The following CAPN5 variants were observed in gnomAD, a reference collection of about 807,000 sequenced individuals.
CAPN5 encodes calpain-5.
Under a neutral mutation model 73.0 loss-of-function variants are expected in CAPN5, and 54 were observed. The ratio of observed to expected loss-of-function variants is 0.74; its 90% CI spans 0.59 to 0.93. CAPN5 has a LOEUF of 0.93. Ranked by LOEUF, CAPN5 falls within the 40% of genes least tolerant of loss-of-function variation. CAPN5 has a pLI of 0.00. For missense variants in CAPN5, 785 were observed against 882.9 expected, an observed-to-expected ratio of 0.89 and a Z score of 1.41; for synonymous variants, 335 against 356.9, an observed-to-expected ratio of 0.94 and a Z score of 0.69.
At chr11:77,084,578 G>A (rs1694331825) in intron 1 of CAPN5, among the ~76,000 whole-genome samples, 1 of 152,126 alleles carries the variant, frequency 6.6e-6, no homozygotes, top group Non-Finnish European at 1.5e-5. Context: ...GGAAGGCAGG[G>A]AGGTAGGTGC....
intron 1 of CAPN5, among the ~76,000 whole-genome samples, chr11:77,076,342 G>A (rs939886793): frequency 3.3e-5 from 5 of 152,128 alleles, no homozygotes; most frequent in Non-Finnish European, 5.9e-5. Context: ...GCAACAGAGT[G>A]AGACTCCAAA....
chr11:77,082,698 T>G (rs572134553), intron 1 of CAPN5, among the ~76,000 whole-genome samples: 2 of 152,126 alleles, frequency 1.3e-5, no homozygotes, highest in East Asian at 1.9e-4. Flanking sequence ...CCAGCCGAGC[T>G]CTCCCTTTAT....
At chr11:77,112,549 C>G in intron 3 of CAPN5, 40 bp from the exon 4 acceptor site, 1 of 1,503,416 alleles carries the variant, frequency 6.7e-7, no homozygotes, top group East Asian at 2.3e-5. Flanking sequence ...GACATCCCCT[C>G]ACTGTGTTCC....
intron 1 of CAPN5, among the ~76,000 whole-genome samples, chr11:77,069,547 C>T (rs1238204102): frequency 2.0e-5 from 3 of 152,106 alleles, no homozygotes; most frequent in African/African-American, 7.2e-5. Context: ...GCTGAGCAGC[C>T]GGGAGCACCC....
chr11:77,103,142 C>A lies in CAPN5; in HGVS notation c.297+9329C>A, dbSNP rs782036942. On this transcript the variant is annotated intron_variant, in intron 3 of 12. Transcript: ENST00000648180. Reference sequence around the variant, plus strand: ...ACCTCATGACACGCCAGCTGCTGGACCCCACTGCCATCTTCTGGCGCAAGG... The same window carrying A: ...ACCTCATGACACGCCAGCTGCTGGAACCCACTGCCATCTTCTGGCGCAAGG... 11 of 1,613,858 alleles carry A rather than the reference C, an allele frequency of 6.8e-6. No homozygotes were observed. The South Asian group carries it at 1.2e-4, about 18-fold the overall frequency.
At chr11:77,067,511 C>G (rs1186077738) in intron 1 of CAPN5, among the ~76,000 whole-genome samples, 3 of 152,106 alleles carry the variant, frequency 2.0e-5, no homozygotes, top group Admixed American at 2.0e-4. Flanking sequence ...TCTGGGTGCT[C>G]CACCACCCAG....
intron 1 of CAPN5, among the ~76,000 whole-genome samples, chr11:77,076,816 G>T (rs550559992): frequency 6.6e-6 from 1 of 152,290 alleles, no homozygotes; most frequent in Non-Finnish European, 1.5e-5. Flanking sequence ...GAATAGTGCT[G>T]CAGTGAACAT....
At chr11:77,111,223 T>C (rs1287581594) in intron 3 of CAPN5, among the ~76,000 whole-genome samples, 1 of 152,110 alleles carries the variant, frequency 6.6e-6, no homozygotes, top group Non-Finnish European at 1.5e-5. Flanking sequence ...TGGGAGCCTT[T>C]TGAGGGAAGG....
chr11:77,077,405 TG>T (rs149712773), intron 1 of CAPN5, among the ~76,000 whole-genome samples: 3,761 of 152,290 alleles, frequency 0.025, 164 homozygotes, highest in African/African-American at 0.085. Context: ...ACATATCTTT[TG>T]TCTTTTTTTA....
At chr11:77,115,716 A>C in intron 6 of CAPN5, 128 bp downstream of exon 6, 1 of 701,978 alleles carries the variant, frequency 1.4e-6, no homozygotes, top group Non-Finnish European at 2.4e-6. Flanking sequence ...ACTAGGAACG[A>C]AGAAGGGAGA....
Position 77,112,474 on chromosome 11 carries a change from G to T in CAPN5, c.298-115G>T, listed in dbSNP as rs565699897. ...AAGGCTTGTGGCAGAGTTGGAATCC[G>T]AACCCAGTATTCCTTTACATTCCGA... On this transcript the variant is annotated intron_variant, in intron 3 of 12. Transcript: ENST00000648180. 3 of 795,066 alleles carry T rather than the reference G, an allele frequency of 3.8e-6. No individual in the cohort carries two copies. In the East Asian group the frequency reaches 7.8e-5, roughly 21 times the overall value. 49.3% of individuals were successfully genotyped at this position (795,066 alleles called of 1,614,324 possible). A position where few individuals can be genotyped will look rare whatever the true frequency, so the allele number is the denominator to read the frequency against.
chr11:77,094,272 T>C (rs948684804), intron 3 of CAPN5, among the ~76,000 whole-genome samples: 1 of 152,192 alleles, frequency 6.6e-6, no homozygotes, highest in Admixed American at 6.5e-5. Flanking sequence ...CCCAGCTTCA[T>C]GACTCCCAGT....
chr11:77,082,507 C>T (rs782692373), intron 1 of CAPN5, among the ~76,000 whole-genome samples: 2 of 152,166 alleles, frequency 1.3e-5, no homozygotes, highest in Admixed American at 1.3e-4. Flanking sequence ...CCCATAGATA[C>T]AGTGGGAGGT....
At chr11:77,110,471 G>T (rs769232934) in intron 3 of CAPN5, among the ~76,000 whole-genome samples, 5 of 152,156 alleles carry the variant, frequency 3.3e-5, no homozygotes, top group African/African-American at 7.2e-5. Context: ...GTGAGGAGGT[G>T]GGGGAAAGGA....
intron 2 of CAPN5, among the ~76,000 whole-genome samples, chr11:77,088,276 G>A (rs1950111609): frequency 6.6e-6 from 1 of 152,110 alleles, no homozygotes; most frequent in South Asian, 2.1e-4. Context: ...CAGTCCCGGG[G>A]ACTCTTGCCC....
In CAPN5 at chr11:77,073,001, C is replaced by T. The variant is rs11825526; in HGVS notation, c.-36+5907C>T. 8,060 of 982,910 alleles carry T rather than the reference C, an allele frequency of 8.2e-3. 440 individuals are homozygous for T. The African/African-American group carries it at 0.12, about 15-fold the overall frequency. The allele number at this position is 982,910 out of a possible 1,614,324, so 60.9% of individuals were successfully genotyped here. ...GTCCCATTTTGTTAGGTTGTCTCTC[C>T]GGTGGGGAGTGAGCGAGCACACAGC... is the stretch of plus-strand genomic sequence containing the variant. On this transcript the variant is annotated intron_variant, in intron 1 of 12. Coordinates refer to ENST00000648180, the MANE Select transcript of CAPN5 (RefSeq NM_004055.5).
chr11:77,077,481 G>A (rs1420066647), intron 1 of CAPN5, among the ~76,000 whole-genome samples: 2 of 151,526 alleles, frequency 1.3e-5, no homozygotes, highest in Non-Finnish European at 2.9e-5. Flanking sequence ...TCTCATTGTG[G>A]TTTTGATTTT....
chr11:77,097,318 A>G (rs1950220228), intron 3 of CAPN5, among the ~76,000 whole-genome samples: 1 of 152,178 alleles, frequency 6.6e-6, no homozygotes, highest in Non-Finnish European at 1.5e-5. Context: ...CTTAGTGCAC[A>G]TGGATGGAGC....
At chr11:77,090,378 G>C (rs1180569109) in intron 2 of CAPN5, among the ~76,000 whole-genome samples, 1 of 152,232 alleles carries the variant, frequency 6.6e-6, no homozygotes, top group Non-Finnish European at 1.5e-5. Flanking sequence ...TGTCTCTCAA[G>C]GACTGGAGAA....
Sources: allele counts gnomAD v4.1 joint callset (sites outside exome capture counted in the v4.1 genomes callset), GRCh38; gene constraint gnomAD v4.1.1; transcripts MANE v1.5; gene names NCBI Gene and HGNC (gene_info 2026-07-23, HGNC 2026-07-21).